Variants in RSRC1 observed in about 807,000 individuals in gnomAD.
RSRC1 encodes the protein arginine and serine rich coiled-coil 1, also known as serine/Arginine-related protein 53.
In RSRC1, 39 loss-of-function variants were observed where a neutral mutation model predicts 49.1. The ratio of observed to expected loss-of-function variants is 0.79; its 90% CI spans 0.61 to 1.04. The LOEUF (loss-of-function observed/expected upper bound fraction) is 1.04. Among genes scored for constraint, RSRC1 ranks in the 50% least tolerant of loss-of-function variants. The pLI is 0.00. For missense variants in RSRC1, 388 were observed against 402.4 expected (o/e 0.96, Z 0.31); for synonymous variants, 143 against 130.8 (o/e 1.09, Z -0.63).
chr3:158,518,136 A>ATATG (rs1740690375), intron 7 of RSRC1, among the ~76,000 whole-genome samples: 2 of 85,342 alleles, frequency 2.3e-5, no homozygotes, highest in African/African-American at 1.4e-4. Context: ...GTATATATAT[A>ATATG]TATATATATA....
At chr3:158,513,045 A>G (rs1337517687) in intron 7 of RSRC1, among the ~76,000 whole-genome samples, 1 of 137,908 alleles carries the variant, frequency 7.3e-6, no homozygotes. Flanking sequence ...TAGATATACA[A>G]TCATGTCGTC....
At chr3:158,171,113 C>G (rs7626909) in intron 3 of RSRC1, among the ~76,000 whole-genome samples, 58,363 of 152,064 alleles carry the variant, frequency 0.38, 12,065 homozygotes, top group East Asian at 0.64. Context: ...CACCCTTACA[C>G]TGCATGTGAG....
intron 7 of RSRC1, among the ~76,000 whole-genome samples, chr3:158,481,252 CA>C (rs1402642486): frequency 1.3e-5 from 2 of 152,052 alleles, no homozygotes; most frequent in Non-Finnish European, 2.9e-5. Context: ...TATTGGTGCC[CA>C]TCACTTCCTA....
intron 7 of RSRC1, among the ~76,000 whole-genome samples, chr3:158,481,211 A>G (rs1215241669): frequency 6.6e-6 from 1 of 152,016 alleles, no homozygotes; most frequent in East Asian, 1.9e-4. Flanking sequence ...ACTTACACCT[A>G]AGTCATGTTA....
At chr3:158,144,820 C>T (rs1045126270) in intron 3 of RSRC1, among the ~76,000 whole-genome samples, 8 of 152,116 alleles carry the variant, frequency 5.3e-5, no homozygotes, top group South Asian at 2.1e-4. Flanking sequence ...TTCTAATGAT[C>T]GCCATTCTTA....
chr3:158,390,578 A>G (rs983178266), intron 6 of RSRC1, among the ~76,000 whole-genome samples: 1 of 152,100 alleles, frequency 6.6e-6, no homozygotes, highest in Non-Finnish European at 1.5e-5. Context: ...TTTACTAGGG[A>G]TTATACTAAC....
At position 158,249,876 on chromosome 3, in the gene RSRC1, C is replaced by T. The variant is rs1170954998; in HGVS notation, c.494+46631C>T. Among the ~76,000 whole-genome samples the T allele has an allele frequency of 2.6e-5, 4 of 152,070 alleles. 1 individual carries two copies. The highest frequency in any genetic ancestry group is 7.2e-5 in the African/African-American group (3 of 41,412). Reference sequence around the variant, plus strand: ...TGAATGTGTAATAAATTATTAATTACTGTAGCGATCCTCTTGTGCTATCAA... The same window carrying T: ...TGAATGTGTAATAAATTATTAATTATTGTAGCGATCCTCTTGTGCTATCAA... On this transcript the variant is annotated intron_variant, in intron 4 of 9. Coordinates refer to ENST00000611884, the MANE Select transcript of RSRC1 (RefSeq NM_001271838.2).
intron 5 of RSRC1, among the ~76,000 whole-genome samples, chr3:158,312,225 C>A (rs1728169847): frequency 6.6e-6 from 1 of 151,216 alleles, no homozygotes; most frequent in African/African-American, 2.5e-5. Context: ...CTGAAAAAAG[C>A]TAAAGTACTT....
intron 6 of RSRC1, among the ~76,000 whole-genome samples, chr3:158,446,778 A>G (rs540826346): frequency 6.6e-6 from 1 of 152,156 alleles, no homozygotes; most frequent in Non-Finnish European, 1.5e-5. Flanking sequence ...TTCATGTGAA[A>G]GAACAGAACG....
Position 158,203,200 on chromosome 3 carries a change from A to G in RSRC1, c.449A>G (p.Glu150Gly), listed in dbSNP as rs1190941850. Residue 150 changes from glutamate to glycine, a missense_variant, in exon 4 of 10, where the codon GAG becomes GGG. By Grantham distance (98) the Glu-to-Gly change is moderately conservative. Coordinates refer to ENST00000611884, the MANE Select transcript of RSRC1 (RefSeq NM_001271838.2). ...KGRDKEKREK[E>G]KDKGKDKELH... ...AGAGATAAAGAGAAAAGAGAAAAGGAGAAGGATAAAGGGAAGGACAAGGAA... is the reference window on the plus strand; with the variant it reads ...AGAGATAAAGAGAAAAGAGAAAAGGGGAAGGATAAAGGGAAGGACAAGGAA... 5 of 1,610,322 alleles carry G rather than the reference A, an allele frequency of 3.1e-6. No individual in the cohort carries two copies. In the African/African-American group the frequency reaches 4.0e-5, roughly 13 times the overall value.
At chr3:158,265,884 T>A (rs1043753220) in intron 4 of RSRC1, among the ~76,000 whole-genome samples, 2 of 152,144 alleles carry the variant, frequency 1.3e-5, no homozygotes, top group Non-Finnish European at 2.9e-5. Context: ...TGATGTGAGG[T>A]AGGGATGATT....
At chr3:158,144,790 G>A (rs1716976385) in intron 3 of RSRC1, among the ~76,000 whole-genome samples, 1 of 152,060 alleles carries the variant, frequency 6.6e-6, no homozygotes, top group Admixed American at 6.5e-5. Context: ...ATCCTCTCCG[G>A]CACCTGTTGT....
At chr3:158,324,287 G>A (rs181273301) in intron 5 of RSRC1, among the ~76,000 whole-genome samples, 52 of 151,972 alleles carry the variant, frequency 3.4e-4, no homozygotes, top group African/African-American at 1.2e-3. Flanking sequence ...CAACGTGCAG[G>A]TTTGTTACAT....
At chr3:158,342,275 C>G (rs60033568) in intron 5 of RSRC1, among the ~76,000 whole-genome samples, 2,465 of 152,204 alleles carry the variant, frequency 0.016, 87 homozygotes, top group African/African-American at 0.057. Context: ...GTGTCCCCAC[C>G]AAATCTCAAC....
At chr3:158,240,438 A>G (rs753977607) in intron 4 of RSRC1, among the ~76,000 whole-genome samples, 26 of 152,116 alleles carry the variant, frequency 1.7e-4, no homozygotes, top group Admixed American at 4.6e-4. Context: ...ATATTAATAG[A>G]TTTTCTGTTA....
chr3:158,216,275 T>C (rs918579228), intron 4 of RSRC1, among the ~76,000 whole-genome samples: 9 of 151,494 alleles, frequency 5.9e-5, no homozygotes, highest in Admixed American at 5.9e-4. Context: ...AGTTTTTGTT[T>C]TTTTATGATT....
chr3:158,357,839 C>T (rs1447212422), intron 6 of RSRC1, among the ~76,000 whole-genome samples: 1 of 152,068 alleles, frequency 6.6e-6, no homozygotes, highest in Non-Finnish European at 1.5e-5. Context: ...AGACTTCAGG[C>T]CTTATGCTAG....
chr3:158,168,150 T>G (rs544988547), intron 3 of RSRC1, among the ~76,000 whole-genome samples: 1 of 152,316 alleles, frequency 6.6e-6, no homozygotes, highest in Non-Finnish European at 1.5e-5. Context: ...CAGCGTTGGA[T>G]AGTTGCTACA....
chr3:158,439,507 C>G (rs1736255485), intron 6 of RSRC1, among the ~76,000 whole-genome samples: 1 of 152,100 alleles, frequency 6.6e-6, no homozygotes, highest in African/African-American at 2.4e-5. Flanking sequence ...AGTTCATGTC[C>G]TTTGTAGGGA....
Sources: gnomAD v4.1 joint callset for allele counts (sites outside exome capture counted in the v4.1 genomes callset) on GRCh38, gnomAD v4.1.1 for gene constraint, MANE v1.5 for transcripts, NCBI Gene and HGNC (gene_info 2026-07-23, HGNC 2026-07-21) for gene names.